The following EPHA6 variants were observed in gnomAD, a reference collection of about 807,000 sequenced individuals.
EPHA6 encodes EPH receptor A6.
Under a neutral mutation model 112.0 loss-of-function variants are expected in EPHA6, and 50 were observed. The observed-to-expected ratio is 0.45, with a 90% CI of 0.36 to 0.56. EPHA6 has a LOEUF of 0.56. Ranked by LOEUF, EPHA6 falls within the 20% of genes least tolerant of loss-of-function variation. The probability of loss-of-function intolerance (pLI) is 0.00; values close to 1 mark genes in which losing one functional copy is unlikely to be tolerated. For missense variants in EPHA6, 1,280 were observed against 1,417.4 expected, an observed-to-expected ratio of 0.90 and a Z score of 1.56; for synonymous variants, 529 against 490.7, an observed-to-expected ratio of 1.08 and a Z score of -1.03.
At chr3:96,888,823 G>A (rs1266191023) in intron 2 of EPHA6, among the ~76,000 whole-genome samples, 3 of 152,186 alleles carry the variant, frequency 2.0e-5, no homozygotes, top group Non-Finnish European at 4.4e-5. Context: ...AATTTCTACA[G>A]CTGGCTTGGA....
chr3:97,230,839 C>T (rs7643847), intron 4 of EPHA6, among the ~76,000 whole-genome samples: 36,029 of 151,978 alleles, frequency 0.24, 11,059 homozygotes, highest in African/African-American at 0.7. Context: ...TAAACCAGGA[C>T]AGGATTTGTT....
intron 5 of EPHA6, among the ~76,000 whole-genome samples, chr3:97,365,769 A>G (rs1331825130): frequency 6.6e-6 from 1 of 152,198 alleles, no homozygotes. Context: ...ATTTTCATGT[A>G]AACAATTCCT....
intron 1 of EPHA6, among the ~76,000 whole-genome samples, chr3:96,828,423 A>G (rs1460601270): frequency 1.3e-5 from 2 of 152,138 alleles, no homozygotes; most frequent in African/African-American, 4.8e-5. Context: ...TCTTTCTCTT[A>G]TCAGGAAACT....
intron 2 of EPHA6, among the ~76,000 whole-genome samples, chr3:96,968,885 A>T (rs544541229): frequency 1.3e-5 from 2 of 151,954 alleles, no homozygotes; most frequent in Non-Finnish European, 2.9e-5. Flanking sequence ...TTGAAATAGT[A>T]GGGTAAGTTT....
chr3:97,041,422 G>T (rs937143685), intron 3 of EPHA6, among the ~76,000 whole-genome samples: 2 of 152,042 alleles, frequency 1.3e-5, no homozygotes, highest in African/African-American at 4.8e-5. Context: ...GTCTTGTAAT[G>T]CTGTAAGGTG....
At chr3:97,520,293 C>T (rs550425621) in intron 10 of EPHA6, among the ~76,000 whole-genome samples, 3 of 152,234 alleles carry the variant, frequency 2.0e-5, no homozygotes, top group African/African-American at 7.2e-5. Context: ...AGACCTTTCT[C>T]TTCTACCAGT....
chr3:97,725,351 T>C (rs2034713814), intron 15 of EPHA6, among the ~76,000 whole-genome samples: 1 of 152,090 alleles, frequency 6.6e-6, no homozygotes, highest in Admixed American at 6.6e-5. Context: ...ATGGACACTA[T>C]GATTGACCCA....
chr3:97,724,498 T>C (rs1355734162), intron 15 of EPHA6, among the ~76,000 whole-genome samples: 4 of 152,048 alleles, frequency 2.6e-5, no homozygotes, highest in African/African-American at 9.7e-5. Context: ...AGGCCAAGCA[T>C]AGTAGCTCAC....
chr3:96,910,969 C>T (rs2873616), intron 2 of EPHA6, among the ~76,000 whole-genome samples: 1 of 151,750 alleles, frequency 6.6e-6, no homozygotes, highest in Non-Finnish European at 1.5e-5. Context: ...TGTTGCATTT[C>T]TATTTTGTGC....
chr3:97,418,865 G>A (rs2088358344), intron 6 of EPHA6, among the ~76,000 whole-genome samples: 1 of 152,156 alleles, frequency 6.6e-6, no homozygotes, highest in Admixed American at 6.5e-5. Flanking sequence ...GGAAATTCAA[G>A]TACTTCTAAT....
chr3:97,222,284 G>A (rs1251647871), intron 3 of EPHA6, among the ~76,000 whole-genome samples: 1 of 151,954 alleles, frequency 6.6e-6, no homozygotes, highest in Non-Finnish European at 1.5e-5. Flanking sequence ...TCTAACAACA[G>A]AATTCTTTAT....
intron 15 of EPHA6, among the ~76,000 whole-genome samples, chr3:97,725,426 C>T (rs1243197453): frequency 6.6e-6 from 1 of 152,086 alleles, no homozygotes; most frequent in Non-Finnish European, 1.5e-5. Context: ...GCAGTTTCCC[C>T]ATAATTACCT....
At chr3:97,103,570 A>G (rs1222201856) in intron 3 of EPHA6, among the ~76,000 whole-genome samples, 1 of 152,060 alleles carries the variant, frequency 6.6e-6, no homozygotes, top group Admixed American at 6.6e-5. Context: ...GTCGGGTTAT[A>G]TGATGCCTCC....
intron 11 of EPHA6, among the ~76,000 whole-genome samples, chr3:97,543,170 A>G (rs2107681535): frequency 6.6e-6 from 1 of 152,292 alleles, no homozygotes; most frequent in East Asian, 1.9e-4. Flanking sequence ...GTCCTTGCCC[A>G]TGCCTATGTC....
At chr3:97,054,292 C>A (rs1015194999) in intron 3 of EPHA6, among the ~76,000 whole-genome samples, 3 of 151,894 alleles carry the variant, frequency 2.0e-5, no homozygotes, top group African/African-American at 7.3e-5. Flanking sequence ...ACATGAATGG[C>A]TAAAAATAGG....
At chr3:97,240,643 T>C (rs1361570972) in intron 4 of EPHA6, among the ~76,000 whole-genome samples, 1 of 151,878 alleles carries the variant, frequency 6.6e-6, no homozygotes, top group Non-Finnish European at 1.5e-5. Context: ...AAATCTGTAC[T>C]GGTTGATGCG....
chr3:97,342,696 T>C (rs2083369334), intron 5 of EPHA6, among the ~76,000 whole-genome samples: 1 of 149,148 alleles, frequency 6.7e-6, no homozygotes, highest in African/African-American at 2.5e-5. Flanking sequence ...CTCCTTGCCC[T>C]CTCTCTCTCT....
At chr3:97,039,297 C>T (rs1308952675) in intron 3 of EPHA6, among the ~76,000 whole-genome samples, 1 of 151,992 alleles carries the variant, frequency 6.6e-6, no homozygotes, top group Non-Finnish European at 1.5e-5. Flanking sequence ...GGGAGAAAAA[C>T]AGTTTAAACA....
intron 15 of EPHA6, among the ~76,000 whole-genome samples, chr3:97,724,779 G>A (rs2034683812): frequency 6.6e-6 from 1 of 151,776 alleles, no homozygotes; most frequent in Non-Finnish European, 1.5e-5. Flanking sequence ...TAAAGTAAAA[G>A]AAAATGCAGT....
Sources: gnomAD v4.1 joint callset for allele counts (sites outside exome capture counted in the v4.1 genomes callset) on GRCh38, gnomAD v4.1.1 for gene constraint, MANE v1.5 for transcripts, NCBI Gene and HGNC (gene_info 2026-07-23, HGNC 2026-07-21) for gene names.